The following VKORC1L1 variants were observed in gnomAD, a reference collection of about 807,000 sequenced individuals.
The protein encoded by VKORC1L1 is vitamin K epoxide reductase complex subunit 1-like protein 1.
A neutral mutation model predicts 18.9 loss-of-function variants in VKORC1L1; 2 were observed. The observed-to-expected ratio is 0.11, with a 90% CI of 0.04 to 0.33. The LOEUF (loss-of-function observed/expected upper bound fraction) is 0.33. Among genes scored for constraint, VKORC1L1 ranks in the 10% least tolerant of loss-of-function variants. The pLI is 1.00. For synonymous variants in VKORC1L1, 96 were observed against 100.0 expected (o/e 0.96, Z 0.24); for missense variants, 123 against 224.1 (o/e 0.55, Z 2.88).
Position 65,873,326 on chromosome 7 carries a change from G to C in VKORC1L1, c.-46G>C, listed in dbSNP as rs1788761330. ...GGGTCGGGCCCCGACGGGCGGCGGC[G>C]GCTGAGGTGGAGGCGGAGGGAGGCG... On this transcript the variant is annotated 5_prime_UTR_variant, in exon 1 of 3. Transcript: ENST00000360768. 7.2e-7 allele frequency: 1 copy of C among 1,382,082 alleles called. No individual in the cohort carries two copies. The highest frequency in any genetic ancestry group is 9.4e-7 in the Non-Finnish European group (1 of 1,059,260). The allele number at this position is 1,382,082 out of a possible 1,614,324, so 85.6% of individuals were successfully genotyped here.
intron 1 of VKORC1L1, among the ~76,000 whole-genome samples, chr7:65,907,153 T>G (rs1583839913): frequency 1.3e-5 from 2 of 151,896 alleles, no homozygotes; most frequent in African/African-American, 4.8e-5. Context: ...AAAATGGAGG[T>G]TTTTGGCCAG....
At chr7:65,920,218 C>G (rs1352585943) in intron 1 of VKORC1L1, among the ~76,000 whole-genome samples, 3 of 152,158 alleles carry the variant, frequency 2.0e-5, no homozygotes, top group Admixed American at 6.5e-5. Context: ...CTGTACTCAT[C>G]TTTCCCTGCT....
chr7:65,945,342 T>C (rs545859977), intron 1 of VKORC1L1, among the ~76,000 whole-genome samples: 8 of 152,094 alleles, frequency 5.3e-5, no homozygotes, highest in Non-Finnish European at 8.8e-5. Context: ...CCGGGCGCAG[T>C]GGCTCACGCC....
At chr7:65,950,764 G>GA (rs1294364494) in intron 2 of VKORC1L1, among the ~76,000 whole-genome samples, 1 of 152,210 alleles carries the variant, frequency 6.6e-6, no homozygotes, top group Admixed American at 6.5e-5. Context: ...ACTATTTAGT[G>GA]AAAAAAGCAA....
At chr7:65,941,458 C>T (rs1343106508) in intron 1 of VKORC1L1, among the ~76,000 whole-genome samples, 1 of 151,864 alleles carries the variant, frequency 6.6e-6, no homozygotes, top group East Asian at 1.9e-4. Context: ...AGGGTATGTG[C>T]CTTGTAAAAA....
At chr7:65,911,958 A>G (rs1026750224) in intron 1 of VKORC1L1, among the ~76,000 whole-genome samples, 2 of 152,068 alleles carry the variant, frequency 1.3e-5, no homozygotes, top group African/African-American at 2.4e-5. Flanking sequence ...TTTGATACCT[A>G]TTATATCACA....
At chr7:65,901,705 A>G (rs1562989039) in intron 1 of VKORC1L1, among the ~76,000 whole-genome samples, 1 of 152,148 alleles carries the variant, frequency 6.6e-6, no homozygotes, top group Non-Finnish European at 1.5e-5. Flanking sequence ...TTCGTGGGGC[A>G]GAGTACCAGA....
chr7:65,950,202 G>A (rs1211320836), intron 2 of VKORC1L1, among the ~76,000 whole-genome samples: 3 of 151,624 alleles, frequency 2.0e-5, no homozygotes, highest in South Asian at 4.2e-4. Context: ...TGCCCATTTA[G>A]CATTTAGTTA....
chr7:65,914,999 G>A (rs984631784), intron 1 of VKORC1L1, among the ~76,000 whole-genome samples: 18 of 151,722 alleles, frequency 1.2e-4, no homozygotes, highest in Non-Finnish European at 2.5e-4. Context: ...GAGCAAGACC[G>A]TGTCTCAAAA....
At position 65,938,695 on chromosome 7, in the gene VKORC1L1, T is replaced by C. The variant is rs182161039; in HGVS notation, c.195-9976T>C. Among the ~76,000 whole-genome samples the C allele has an allele frequency of 1.9e-3, 285 of 152,340 alleles. 3 individuals are homozygous for C. Among genetic ancestry groups the C allele is most frequent in the African/African-American group, 6.7e-3 (278 of 41,584 alleles). Reference sequence around the variant, plus strand: ...TAAAAATGTTGAGGGATTTGTGGCCTTCAGTGCTGCCAAGGAAGCATCATT... The same window carrying C: ...TAAAAATGTTGAGGGATTTGTGGCCCTCAGTGCTGCCAAGGAAGCATCATT... On this transcript the variant is annotated intron_variant, in intron 1 of 2. Transcript: ENST00000360768.
rs1790262356 is a variant in VKORC1L1 at position 65,954,446 on chromosome 7, A to ACCGGATTCTAAT, written c.*146_*147insCCGGATTCTAAT. 1 of 1,308,902 alleles carries ACCGGATTCTAAT rather than the reference A, an allele frequency of 7.6e-7. No homozygotes were observed. Among genetic ancestry groups the ACCGGATTCTAAT allele is most frequent in the Non-Finnish European group, 1.0e-6 (1 of 999,542 alleles). The allele number at this position is 1,308,902 out of a possible 1,614,324, so 81.1% of individuals were successfully genotyped here. On this transcript the variant is annotated 3_prime_UTR_variant, in exon 3 of 3. Coordinates refer to ENST00000360768, the MANE Select transcript of VKORC1L1 (RefSeq NM_173517.6). ...AAACTGATTTTTAAAAATCCGGTAA[A>ACCGGATTCTAAT]TTAGAAGGGGCCCTCGCTATTTTCT...
chr7:65,911,240 G>A (rs1418112833), intron 1 of VKORC1L1, among the ~76,000 whole-genome samples: 1 of 151,962 alleles, frequency 6.6e-6, no homozygotes, highest in Non-Finnish European at 1.5e-5. Flanking sequence ...ATGTAAATTT[G>A]GTTAAAAAGA....
chr7:65,903,517 A>G (rs2116398412), intron 1 of VKORC1L1, among the ~76,000 whole-genome samples: 1 of 152,182 alleles, frequency 6.6e-6, no homozygotes, highest in Non-Finnish European at 1.5e-5. Flanking sequence ...GGCTGGGTGC[A>G]GTGACCAACA....
chr7:65,945,167 A>T (rs111839288), intron 1 of VKORC1L1, among the ~76,000 whole-genome samples: 1 of 152,036 alleles, frequency 6.6e-6, no homozygotes, highest in Non-Finnish European at 1.5e-5. Context: ...AGGCTGAGGC[A>T]GGAGAATCAC....
intron 1 of VKORC1L1, among the ~76,000 whole-genome samples, chr7:65,886,905 A>G (rs145524533): frequency 0.041 from 5,297 of 127,994 alleles, 156 homozygotes; most frequent in Middle Eastern, 0.12. Flanking sequence ...GCTGAAGTGC[A>G]GTGGTGCAAT....
intron 1 of VKORC1L1, among the ~76,000 whole-genome samples, chr7:65,874,469 A>G (rs1788791721): frequency 6.6e-6 from 1 of 151,894 alleles, no homozygotes; most frequent in African/African-American, 2.4e-5. Context: ...AAGTGCTGGG[A>G]ATCAAGCATG....
Position 65,909,690 on chromosome 7 carries a change from T to TGTGTG in VKORC1L1, c.194+36125_194+36126insGTGTG, listed in dbSNP as rs1789468369. On this transcript the variant is annotated intron_variant, in intron 1 of 2. Coordinates refer to ENST00000360768, the MANE Select transcript of VKORC1L1 (RefSeq NM_173517.6). ...AAGCTTCTAACTTTTGTTTTAGCCT[T>TGTGTG]TGTGTGTGTGTGTGTGTGTGTGTGT... 2.1e-3 allele frequency among the ~76,000 whole-genome samples: 266 copies of TGTGTG among 123,836 alleles called. 1 individual carries two copies. The highest frequency in any genetic ancestry group is 7.5e-3 in the African/African-American group (239 of 31,742). The allele number at this position is 123,836 out of a possible 152,430, so 81.2% of individuals were successfully genotyped here. A position where few individuals can be genotyped will look rare whatever the true frequency, so the allele number is the denominator to read the frequency against.
chr7:65,874,047 A>G (rs951193192), intron 1 of VKORC1L1, among the ~76,000 whole-genome samples: 2 of 152,110 alleles, frequency 1.3e-5, no homozygotes, highest in African/African-American at 4.8e-5. Context: ...GCGCGGAGAC[A>G]GGGGGGTTGC....
At chr7:65,881,628 T>C (rs1030048690) in intron 1 of VKORC1L1, among the ~76,000 whole-genome samples, 1 of 152,174 alleles carries the variant, frequency 6.6e-6, no homozygotes, top group African/African-American at 2.4e-5. Flanking sequence ...CACACACACA[T>C]ACTGCATATA....
Sources: gnomAD v4.1 joint callset for allele counts (sites outside exome capture counted in the v4.1 genomes callset) on GRCh38, gnomAD v4.1.1 for gene constraint, MANE v1.5 for transcripts, NCBI Gene and HGNC (gene_info 2026-07-23, HGNC 2026-07-21) for gene names.